Variants in KIF11 observed in about 807,000 individuals in gnomAD.
KIF11 encodes kinesin-like protein KIF11.
KIF11 carries 9 observed loss-of-function variants against 121.0 expected under a neutral mutation model. The ratio of observed to expected loss-of-function variants is 0.07; its 90% CI spans 0.04 to 0.13. The LOEUF is 0.13. Among genes scored for constraint, KIF11 ranks in the 10% least tolerant of loss-of-function variants. The probability of loss-of-function intolerance (pLI) is 1.00; values close to 1 mark genes in which losing one functional copy is unlikely to be tolerated. For missense variants in KIF11, 846 were observed against 1,217.5 expected, an observed-to-expected ratio of 0.69 and a Z score of 4.54; for synonymous variants, 408 against 421.0, an observed-to-expected ratio of 0.97 and a Z score of 0.38.
rs1265935604 is a variant in KIF11, at chr10:92,621,776, A to AT, written c.1217+310dup. On this transcript the variant is annotated intron_variant, in intron 10 of 21. Coordinates refer to ENST00000260731, the MANE Select transcript of KIF11 (RefSeq NM_004523.4). ...GCCACCACACCCTGCTAATTTTTGC[A>AT]TTTTTTTGTAGAGACAGGGTTTCAC... Among the ~76,000 whole-genome samples the AT allele has an allele frequency of 5.9e-5, 9 of 152,160 alleles. No homozygotes were observed. The East Asian group carries it at 7.7e-4, about 13-fold the overall frequency.
rs146826402 is a variant in KIF11, at chr10:92,645,507, C to T, written c.2412C>T (p.Leu804=). 3.1e-6 allele frequency: 5 copies of T among 1,614,020 alleles called. No homozygotes were observed. The African/African-American group carries it at 6.7e-5, about 22-fold the overall frequency. The part of the protein sequence containing the change: ...VEESVKHSDK[L]NGNLEKISQE... The stretch of plus-strand genomic sequence containing the variant: ...AATCTGTGAAACACTCTGATAAACT[C>T]AATGGCAACCTGGAAAAAATATCTC... Residue 804 remains leucine, a synonymous_variant, in exon 18 of 22, where the codon CTC becomes CTT. Transcript: ENST00000260731.
chr10:92,602,825 CGTGTGTGT>C (rs3980475), intron 1 of KIF11, among the ~76,000 whole-genome samples: 5,333 of 122,286 alleles, frequency 0.044, 141 homozygotes, highest in Admixed American at 0.07. Flanking sequence ...CACACACACA[CGTGTGTGT>C]GTGTGTGTGT....
In KIF11 at chr10:92,654,129, T is replaced by C. The variant is rs530539532; in HGVS notation, c.*333T>C. On this transcript the variant is annotated 3_prime_UTR_variant, in exon 22 of 22. Transcript: ENST00000260731. The stretch of plus-strand genomic sequence containing the variant: ...AAGCGGGGTTGCAGTGAGCCAAAGG[T>C]ACACCACTACACTCCAGCCTGGGCA... The C allele has an allele frequency of 1.1e-5, 2 of 185,054 alleles. No individual in the cohort carries two copies. Among genetic ancestry groups the C allele is most frequent in the African/African-American group, 2.3e-5 (1 of 42,602 alleles). The allele number at this position is 185,054 out of a possible 1,614,324, so 11.5% of individuals were successfully genotyped here.
intron 14 of KIF11, among the ~76,000 whole-genome samples, chr10:92,636,054 C>T (rs1589603697): frequency 2.0e-5 from 3 of 152,176 alleles, no homozygotes; most frequent in Admixed American, 2.0e-4. Context: ...CTTAATTTCC[C>T]TATTTCTTGA....
intron 1 of KIF11, among the ~76,000 whole-genome samples, chr10:92,601,488 C>T (rs992716368): frequency 3.3e-5 from 5 of 151,980 alleles, no homozygotes; most frequent in African/African-American, 7.3e-5. Context: ...GGATTACAGG[C>T]GTGAGCCACC....
chr10:92,627,686 G>A (rs1285364364), intron 10 of KIF11, among the ~76,000 whole-genome samples: 1 of 152,090 alleles, frequency 6.6e-6, no homozygotes, highest in African/African-American at 2.4e-5. Flanking sequence ...TGGATTAGAA[G>A]CTTTGTACAT....
At chr10:92,639,973 G>T in intron 17 of KIF11, 73 bp downstream of exon 17, 1 of 767,018 alleles carries the variant, frequency 1.3e-6, no homozygotes, top group Non-Finnish European at 2.2e-6. Flanking sequence ...GCTTTAAATA[G>T]TACAAATAAT....
At chr10:92,627,709 T>C (rs576147473) in intron 10 of KIF11, among the ~76,000 whole-genome samples, 1 of 152,330 alleles carries the variant, frequency 6.6e-6, no homozygotes, top group Admixed American at 6.5e-5. Flanking sequence ...GTGAGGATTA[T>C]GGACCTGTAA....
intron 19 of KIF11, among the ~76,000 whole-genome samples, chr10:92,649,428 T>C (rs536633832): frequency 1.3e-5 from 2 of 152,320 alleles, no homozygotes; most frequent in African/African-American, 4.8e-5. Flanking sequence ...AGTATATGTA[T>C]ATAACTAGTT....
At chr10:92,616,306 T>C (rs75667082) in intron 8 of KIF11, among the ~76,000 whole-genome samples, 10,305 of 151,752 alleles carry the variant, frequency 0.068, 539 homozygotes, top group Non-Finnish European at 0.099. Context: ...TAAGTGATCC[T>C]CCCACCTTAG....
intron 21 of KIF11, among the ~76,000 whole-genome samples, chr10:92,651,826 A>T (rs1327460062): frequency 6.6e-6 from 1 of 151,832 alleles, no homozygotes; most frequent in Non-Finnish European, 1.5e-5. Flanking sequence ...AGGCTCTATA[A>T]AGTGCTGGTA....
In KIF11 at chr10:92,648,446, G is replaced by T. The variant is rs375925681; in HGVS notation, c.2770+12G>T. 8 of 1,521,064 alleles carry T rather than the reference G, an allele frequency of 5.3e-6. No individual in the cohort carries two copies. Among genetic ancestry groups the T allele is most frequent in the African/African-American group, 1.4e-5 (1 of 71,052 alleles). 94.2% of individuals were successfully genotyped at this position (1,521,064 alleles called of 1,614,324 possible). A position where few individuals can be genotyped will look rare whatever the true frequency, so the allele number is the denominator to read the frequency against. ...GGATATCCCAACAGGTACTTTAAAA[G>T]AGAAATAGAATTGTTAAATTTTTTG... On this transcript the variant is annotated intron_variant, in intron 19 of 21. Coordinates refer to ENST00000260731, the MANE Select transcript of KIF11 (RefSeq NM_004523.4).
chr10:92,648,198 T>C lies in KIF11; in HGVS notation c.2548-14T>C, dbSNP rs767247667. 1 of 1,485,408 alleles carries C rather than the reference T, an allele frequency of 6.7e-7. No homozygotes were observed. 92.0% of individuals were successfully genotyped at this position (1,485,408 alleles called of 1,614,324 possible). ...TTAATTTTAGTAATAAATATTTATT[T>C]GCATCATTTACAGGTTGTAAGCCAA... On this transcript the variant is annotated splice_polypyrimidine_tract_variant and intron_variant, in intron 18 of 21. Transcript: ENST00000260731.
At position 92,651,507 on chromosome 10, in the gene KIF11, G is replaced by GTTTTTT. The variant is rs1175303233; in HGVS notation, c.3039+1026_3039+1031dup. On this transcript the variant is annotated intron_variant, in intron 21 of 21. Transcript: ENST00000260731. ...TGTGCCACCATGCCTGGCTAATTTT[G>GTTTTTT]TTTTTTTTTTTTTTTTTTTTTTTTT... Among the ~76,000 whole-genome samples, 107 of 52,962 alleles carry GTTTTTT rather than the reference G, an allele frequency of 2.0e-3. 20 individuals are homozygous for GTTTTTT. Among genetic ancestry groups the GTTTTTT allele is most frequent in the Non-Finnish European group, 3.5e-3 (84 of 23,898 alleles). The allele number at this position is 52,962 out of a possible 152,430, so 34.7% of individuals were successfully genotyped here. A position where few individuals can be genotyped will look rare whatever the true frequency, so the allele number is the denominator to read the frequency against.
rs1300648224 is a variant in KIF11, at chr10:92,653,700, A to G, written c.3075A>G (p.Arg1025=). The G allele has an allele frequency of 1.2e-6, 2 of 1,612,532 alleles. No homozygotes were observed. Among genetic ancestry groups the G allele is most frequent in the Non-Finnish European group, 1.7e-6 (2 of 1,179,092 alleles). ...CACATGGAAAAGACAAAGAAAACAG[A>G]GGCATTAACACACTGGAGAGGTCTA... ...KKSHGKDKEN[R]GINTLERSKV... The change falls in exon 22 of 22, where the codon AGA becomes AGG. Residue 1025 remains arginine (R), a synonymous_variant. Transcript: ENST00000260731.
At position 92,606,709 on chromosome 10, in the gene KIF11, A is replaced by G. The variant is rs764154880; in HGVS notation, c.301A>G (p.Ile101Val). The change falls in exon 3 of 22, where the codon ATC becomes GTC. Residue 101 changes from isoleucine to valine, a missense_variant. Ile to Val is a conservative substitution (Grantham distance 29, BLOSUM62 3). Coordinates refer to ENST00000260731, the MANE Select transcript of KIF11 (RefSeq NM_004523.4). ...AGTTATTATGGGCTATAATTGCACT[A>G]TCTTTGCGTAAGTAAAAGGGTGTTT... ...DEVIMGYNCT[I>V]FAYGQTGTGK... 4 of 1,437,824 alleles carry G rather than the reference A, an allele frequency of 2.8e-6. No individual in the cohort carries two copies. Among genetic ancestry groups the G allele is most frequent in the South Asian group, 1.2e-5 (1 of 86,174 alleles). The allele number at this position is 1,437,824 out of a possible 1,614,324, so 89.1% of individuals were successfully genotyped here. A position where few individuals can be genotyped will look rare whatever the true frequency, so the allele number is the denominator to read the frequency against.
chr10:92,595,712 A>G (rs745393395), intron 1 of KIF11, among the ~76,000 whole-genome samples: 28 of 152,142 alleles, frequency 1.8e-4, no homozygotes, highest in Non-Finnish European at 2.8e-4. Flanking sequence ...AACTCTATAC[A>G]CATTAAACAA....
Position 92,621,491 on chromosome 10 carries a change from G to A in KIF11, c.1217+18G>A. On this transcript the variant is annotated intron_variant, in intron 10 of 21. Transcript: ENST00000260731. ...AATTTTAGGTAAGCCCTTGGCTATG[G>A]AGTTAATTTCCAAGAATAAGCATTT... 6.8e-7 allele frequency: 1 copy of A among 1,463,224 alleles called. No individual in the cohort carries two copies. The highest frequency in any genetic ancestry group is 9.5e-7 in the Non-Finnish European group (1 of 1,048,206). The allele number at this position is 1,463,224 out of a possible 1,614,324, so 90.6% of individuals were successfully genotyped here.
intron 8 of KIF11, among the ~76,000 whole-genome samples, chr10:92,614,065 C>CACACAT (rs1491391031): frequency 5.8e-4 from 68 of 116,546 alleles, no homozygotes; most frequent in African/African-American, 2.2e-3. Flanking sequence ...CACACACACA[C>CACACAT]ATATAGTAGG....
Sources: gnomAD v4.1 joint callset for allele counts (sites outside exome capture counted in the v4.1 genomes callset) on GRCh38, gnomAD v4.1.1 for gene constraint, MANE v1.5 for transcripts, NCBI Gene and HGNC (gene_info 2026-07-23, HGNC 2026-07-21) for gene names.